Variants in NMNAT2 observed in about 807,000 individuals in gnomAD.
NMNAT2 encodes the protein nicotinamide/nicotinic acid mononucleotide adenylyltransferase 2.
Under a neutral mutation model 41.6 loss-of-function variants are expected in NMNAT2, and 11 were observed. The observed-to-expected ratio is 0.26, with a 90% CI of 0.17 to 0.44. The LOEUF (loss-of-function observed/expected upper bound fraction) is 0.44, where lower values mean the gene tolerates loss of function less well. NMNAT2 is among the 20% of genes least tolerant of loss of function. The pLI is 1.00. For synonymous variants in NMNAT2, 148 were observed against 151.2 expected (o/e 0.98, Z 0.16); for missense variants, 288 against 407.7 (o/e 0.71, Z 2.53).
intron 1 of NMNAT2, among the ~76,000 whole-genome samples, chr1:183,314,561 T>C (rs1662198697): frequency 6.6e-6 from 1 of 152,242 alleles, no homozygotes; most frequent in Non-Finnish European, 1.5e-5. Flanking sequence ...CTGGAAGGCA[T>C]AACCAGGTCA....
At chr1:183,391,721 C>G (rs1400411385) in intron 1 of NMNAT2, among the ~76,000 whole-genome samples, 1 of 152,192 alleles carries the variant, frequency 6.6e-6, no homozygotes, top group Non-Finnish European at 1.5e-5. Context: ...CAAATCTGCT[C>G]GTGTCAAAGC....
chr1:183,375,685 T>G (rs1171291176), intron 1 of NMNAT2, among the ~76,000 whole-genome samples: 1 of 152,210 alleles, frequency 6.6e-6, no homozygotes, highest in East Asian at 1.9e-4. Context: ...AATCCCTCCA[T>G]TAGTTTCTTA....
intron 8 of NMNAT2, among the ~76,000 whole-genome samples, chr1:183,264,980 A>G (rs1660770242): frequency 1.3e-5 from 2 of 151,716 alleles, no homozygotes; most frequent in South Asian, 2.1e-4. Context: ...TTCTATTCAC[A>G]CTCACACCCT....
chr1:183,337,964 G>A (rs1212902046), intron 1 of NMNAT2, among the ~76,000 whole-genome samples: 1 of 152,000 alleles, frequency 6.6e-6, no homozygotes, highest in African/African-American at 2.4e-5. Context: ...TGAAATCTAA[G>A]GAATAAACTG....
At chr1:183,351,491 G>A (rs750700276) in intron 1 of NMNAT2, among the ~76,000 whole-genome samples, 15 of 152,176 alleles carry the variant, frequency 9.9e-5, no homozygotes, top group Non-Finnish European at 1.5e-4. Context: ...TTTGGAAAGG[G>A]GCTGACTACC....
intron 1 of NMNAT2, among the ~76,000 whole-genome samples, chr1:183,411,025 C>T (rs1484410849): frequency 2.0e-5 from 3 of 151,920 alleles, no homozygotes; most frequent in African/African-American, 7.3e-5. Flanking sequence ...GCCAAGAATG[C>T]CTTTCTCTAT....
At chr1:183,294,499 A>G (rs1661628883) in intron 1 of NMNAT2, among the ~76,000 whole-genome samples, 2 of 152,362 alleles carry the variant, frequency 1.3e-5, no homozygotes, top group Admixed American at 1.3e-4. Flanking sequence ...TCCTTTTAAG[A>G]ATGTCAACAG....
chr1:183,293,729 A>G lies in NMNAT2; in HGVS notation c.150T>C (p.Pro50=). The G allele has an allele frequency of 2.5e-6, 4 of 1,614,014 alleles. No individual in the cohort carries two copies. The South Asian group carries it at 4.4e-5, about 18-fold the overall frequency. ...CCTGTTTTCCATAGGAGTCGTGGAC[A>G]GGGGAGACAATCCCGCCAATCACAA... is the stretch of plus-strand genomic sequence containing the variant. ...RFIVIGGIVS[P]VHDSYGKQGL... Residue 50 remains proline, a synonymous_variant, in exon 2 of 11, where the codon CCT becomes CCC. Coordinates refer to ENST00000287713, the MANE Select transcript of NMNAT2 (RefSeq NM_015039.4).
chr1:183,407,317 G>A (rs1648985020), intron 1 of NMNAT2, among the ~76,000 whole-genome samples: 1 of 152,134 alleles, frequency 6.6e-6, no homozygotes, highest in African/African-American at 2.4e-5. Flanking sequence ...TCTATATTGA[G>A]GCAAGAATTA....
chr1:183,414,781 A>G (rs1304732507), intron 1 of NMNAT2, among the ~76,000 whole-genome samples: 1 of 152,266 alleles, frequency 6.6e-6, no homozygotes, highest in African/African-American at 2.4e-5. Context: ...TGAGAATTGT[A>G]CAAGTGCTAC....
chr1:183,257,397 C>T (rs796374593), intron 10 of NMNAT2, among the ~76,000 whole-genome samples: 6 of 152,162 alleles, frequency 3.9e-5, no homozygotes, highest in Admixed American at 1.3e-4. Context: ...GCCAAGATCA[C>T]GCTATTGCAC....
chr1:183,415,213 C>G (rs577298108), intron 1 of NMNAT2, among the ~76,000 whole-genome samples: 1 of 152,278 alleles, frequency 6.6e-6, no homozygotes, highest in Admixed American at 6.5e-5. Flanking sequence ...AACTCCTGAG[C>G]TCATGTGTTA....
chr1:183,304,936 G>T, intron 1 of NMNAT2: 1 of 1,315,794 alleles, frequency 7.6e-7, no homozygotes, highest in East Asian at 2.9e-5. Flanking sequence ...TGTCACTTCT[G>T]CCAGACCATG....
At chr1:183,341,725 C>CAAAAAAAAAAACAAAAAAAACAAAAA (rs1662811194) in intron 1 of NMNAT2, among the ~76,000 whole-genome samples, 1 of 22,216 alleles carries the variant, frequency 4.5e-5, no homozygotes, top group African/African-American at 1.6e-4. Flanking sequence ...AAACAAACAC[C>CAAAAAAAAAAACAAAAAAAACAAAAA]AAAAAAAAAA....
intron 10 of NMNAT2, among the ~76,000 whole-genome samples, chr1:183,254,069 AGGT>A (rs1309023136): frequency 1.3e-5 from 2 of 152,140 alleles, no homozygotes; most frequent in Non-Finnish European, 2.9e-5. Context: ...TACCTTTACA[AGGT>A]GGTGATTTCA....
At chr1:183,403,352 T>C (rs920419889) in intron 1 of NMNAT2, among the ~76,000 whole-genome samples, 11 of 152,090 alleles carry the variant, frequency 7.2e-5, no homozygotes, top group Non-Finnish European at 1.3e-4. Flanking sequence ...TAGCCTGAAA[T>C]AAGTCAATTT....
chr1:183,416,855 C>T (rs950096833), intron 1 of NMNAT2, among the ~76,000 whole-genome samples: 3 of 152,092 alleles, frequency 2.0e-5, no homozygotes, highest in Non-Finnish European at 4.4e-5. Flanking sequence ...CTAAACCTCC[C>T]TAGGAGGGCT....
intron 1 of NMNAT2, among the ~76,000 whole-genome samples, chr1:183,398,277 C>T (rs1443732577): frequency 2.6e-5 from 4 of 152,074 alleles, no homozygotes; most frequent in African/African-American, 4.8e-5. Context: ...TCTGATAAAA[C>T]AAACTTTAAA....
intron 1 of NMNAT2, among the ~76,000 whole-genome samples, chr1:183,403,412 T>C (rs930950214): frequency 2.0e-5 from 3 of 151,508 alleles, no homozygotes; most frequent in African/African-American, 4.9e-5. Context: ...TCTATTGAGT[T>C]GGGGGAAGGG....
Sources: allele counts gnomAD v4.1 joint callset (sites outside exome capture counted in the v4.1 genomes callset), GRCh38; gene constraint gnomAD v4.1.1; transcripts MANE v1.5; gene names NCBI Gene and HGNC (gene_info 2026-07-23, HGNC 2026-07-21).